The following DENND1A variants were observed in gnomAD, a reference collection of about 807,000 sequenced individuals.
DENND1A encodes the protein DENN domain-containing protein 1A.
A neutral mutation model predicts 113.7 loss-of-function variants in DENND1A; 51 were observed. The observed-to-expected ratio is 0.45, with a 90% CI of 0.36 to 0.57. The LOEUF (loss-of-function observed/expected upper bound fraction) is 0.57, where lower values mean the gene tolerates loss of function less well. Among genes scored for constraint, DENND1A ranks in the 20% least tolerant of loss-of-function variants. The pLI is 0.00. For missense variants in DENND1A, 1,258 were observed against 1,395.9 expected (o/e 0.90, Z 1.57); for synonymous variants, 565 against 570.8 (o/e 0.99, Z 0.14).
At chr9:123,407,334 G>A (rs567198705) in intron 20 of DENND1A, among the ~76,000 whole-genome samples, 3 of 152,024 alleles carry the variant, frequency 2.0e-5, no homozygotes, top group African/African-American at 7.2e-5. Flanking sequence ...TCACAGACCT[G>A]ACCATCCCGA....
At chr9:123,801,154 T>C (rs761641906) in intron 2 of DENND1A, among the ~76,000 whole-genome samples, 1 of 152,220 alleles carries the variant, frequency 6.6e-6, no homozygotes, top group Non-Finnish European at 1.5e-5. Context: ...CTTTTGTTGT[T>C]GTAGTAAAAT....
At chr9:123,636,633 T>C (rs1191265010) in intron 9 of DENND1A, among the ~76,000 whole-genome samples, 2 of 151,680 alleles carry the variant, frequency 1.3e-5, no homozygotes, top group Admixed American at 1.3e-4. Context: ...GCTGAGTAAA[T>C]GTTTGGGGAA....
At chr9:123,907,093 G>A (rs1259861537) in intron 1 of DENND1A, among the ~76,000 whole-genome samples, 1 of 150,526 alleles carries the variant, frequency 6.6e-6, no homozygotes, top group East Asian at 2.0e-4. Context: ...TATAAACAGA[G>A]CCAAAGACAA....
At chr9:123,714,643 C>A (rs964468993) in intron 5 of DENND1A, among the ~76,000 whole-genome samples, 1 of 152,032 alleles carries the variant, frequency 6.6e-6, no homozygotes, top group Non-Finnish European at 1.5e-5. Context: ...TCAGAGTCAG[C>A]CCTACTGTAA....
intron 11 of DENND1A, among the ~76,000 whole-genome samples, chr9:123,601,483 C>T (rs925914469): frequency 1.3e-5 from 2 of 152,190 alleles, no homozygotes; most frequent in African/African-American, 2.4e-5. Flanking sequence ...GAGCCTGCTG[C>T]GTTTGCAGTA....
At chr9:123,387,487 C>T (rs992107889) in intron 22 of DENND1A, among the ~76,000 whole-genome samples, 36 of 152,348 alleles carry the variant, frequency 2.4e-4, no homozygotes, top group African/African-American at 7.5e-4. Flanking sequence ...CCAATGCTCG[C>T]GTATCACCCT....
chr9:123,878,143 C>T lies in DENND1A; in HGVS notation c.88+808G>A, dbSNP rs138895508. Among the ~76,000 whole-genome samples the T allele has an allele frequency of 5.4e-3, 817 of 151,204 alleles. 9 individuals are homozygous for T. Among genetic ancestry groups the T allele is most frequent in the African/African-American group, 0.019 (785 of 41,220 alleles). On this transcript the variant is annotated intron_variant, in intron 2 of 23. Transcript: ENST00000394215. ...ACTTGAACCCGGGAGGCAGAGGTTG[C>T]GGTGAGCCAAGATCACGCCATTGCA... is the stretch of plus-strand genomic sequence containing the variant.
intron 1 of DENND1A, among the ~76,000 whole-genome samples, chr9:123,911,097 A>C (rs1431342786): frequency 6.6e-6 from 1 of 152,238 alleles, no homozygotes; most frequent in Admixed American, 6.5e-5. Flanking sequence ...GAACATAGTG[A>C]AAAACAGGAA....
At chr9:123,568,024 T>G (rs982266065) in intron 12 of DENND1A, among the ~76,000 whole-genome samples, 3 of 152,182 alleles carry the variant, frequency 2.0e-5, no homozygotes, top group Admixed American at 2.0e-4. Context: ...TTTAGATGAG[T>G]ACAAAGGTGT....
intron 3 of DENND1A, among the ~76,000 whole-genome samples, chr9:123,769,901 A>G (rs972876040): frequency 2.0e-5 from 3 of 152,176 alleles, no homozygotes; most frequent in Non-Finnish European, 4.4e-5. Flanking sequence ...GATCAGAGTG[A>G]ATAACACCGA....
chr9:123,682,833 T>C (rs1185171744), intron 5 of DENND1A, among the ~76,000 whole-genome samples: 2 of 152,328 alleles, frequency 1.3e-5, no homozygotes, highest in East Asian at 3.9e-4. Context: ...CAATCTCAGC[T>C]TTGGGAATCT....
intron 13 of DENND1A, among the ~76,000 whole-genome samples, chr9:123,516,680 G>A (rs1261181271): frequency 6.6e-6 from 1 of 151,956 alleles, no homozygotes; most frequent in Non-Finnish European, 1.5e-5. Context: ...GAGGTCAGGA[G>A]ATCGAGACTA....
intron 19 of DENND1A, among the ~76,000 whole-genome samples, chr9:123,434,403 C>T (rs1243728991): frequency 4.6e-5 from 7 of 152,226 alleles, no homozygotes; most frequent in African/African-American, 9.6e-5. Context: ...CATTTTTCTT[C>T]TTCAAATGAA....
intron 2 of DENND1A, chr9:123,843,471 G>T: frequency 3.3e-6 from 1 of 299,986 alleles, no homozygotes. Flanking sequence ...TGGTGTTACA[G>T]CCATTTGGGA....
At chr9:123,582,242 C>T (rs960595338) in intron 12 of DENND1A, among the ~76,000 whole-genome samples, 1 of 152,168 alleles carries the variant, frequency 6.6e-6, no homozygotes, top group African/African-American at 2.4e-5. Context: ...TTGGAGGGAG[C>T]TGCCCTGATC....
Position 123,583,157 on chromosome 9 carries a change from C to G in DENND1A, c.867+12G>C. On this transcript the variant is annotated intron_variant, in intron 12 of 23. Transcript: ENST00000394215. ...CTCACAGAAGTGAGATCCTCGCAAGCTCATTACCTACCACGTCGTTTGGGA... is the reference window on the plus strand; with the variant it reads ...CTCACAGAAGTGAGATCCTCGCAAGGTCATTACCTACCACGTCGTTTGGGA... 1 of 1,597,164 alleles carries G rather than the reference C, an allele frequency of 6.3e-7. No homozygotes were observed. The highest frequency in any genetic ancestry group is 8.6e-7 in the Non-Finnish European group (1 of 1,168,606).
At chr9:123,908,731 C>T (rs1383757376) in intron 1 of DENND1A, among the ~76,000 whole-genome samples, 3 of 151,108 alleles carry the variant, frequency 2.0e-5, no homozygotes, top group African/African-American at 4.8e-5. Flanking sequence ...GAAATAGGAA[C>T]ACTTTTACAC....
intron 1 of DENND1A, among the ~76,000 whole-genome samples, chr9:123,885,348 C>T (rs1848914073): frequency 6.6e-6 from 1 of 152,224 alleles, no homozygotes. Flanking sequence ...ACTAGACTGG[C>T]AGCTCCTTGA....
chr9:123,657,089 A>G (rs1395263831), intron 8 of DENND1A, among the ~76,000 whole-genome samples: 1 of 152,224 alleles, frequency 6.6e-6, no homozygotes, highest in Non-Finnish European at 1.5e-5. Flanking sequence ...GTCTCTGGAC[A>G]GAGCAGCCTG....
Sources: allele counts gnomAD v4.1 joint callset (sites outside exome capture counted in the v4.1 genomes callset), GRCh38; gene constraint gnomAD v4.1.1; transcripts MANE v1.5; gene names NCBI Gene and HGNC (gene_info 2026-07-23, HGNC 2026-07-21).